EXOC2: variants seen among roughly 807,000 people sequenced by gnomAD.
The protein encoded by EXOC2 is SEC5-like 1.
In EXOC2, 70 loss-of-function variants were observed where a neutral mutation model predicts 131.8. The observed-to-expected ratio is 0.53, with a 90% confidence interval of 0.44 to 0.65. EXOC2 has a LOEUF of 0.65. EXOC2 is among the 30% of genes least tolerant of loss of function. The pLI, the probability that EXOC2 is intolerant of heterozygous loss-of-function variation, is 0.00. For synonymous variants in EXOC2, 411 were observed against 398.4 expected (o/e 1.03, Z -0.38); for missense variants, 923 against 1,108.6 (o/e 0.83, Z 2.38).
intron 1 of EXOC2, among the ~76,000 whole-genome samples, chr6:649,452 T>C (rs1202534054): frequency 6.6e-6 from 1 of 152,200 alleles, no homozygotes; most frequent in Non-Finnish European, 1.5e-5. Flanking sequence ...TACTGGCTCC[T>C]AGCCTAAGAA....
At chr6:510,605 G>C (rs182536620) in intron 23 of EXOC2, among the ~76,000 whole-genome samples, 1 of 151,960 alleles carries the variant, frequency 6.6e-6, no homozygotes, top group Non-Finnish European at 1.5e-5. Context: ...TCAAATATAC[G>C]CAAGTGGAAA....
intron 1 of EXOC2, among the ~76,000 whole-genome samples, chr6:691,463 A>G: frequency 6.6e-6 from 1 of 152,174 alleles, no homozygotes; most frequent in Non-Finnish European, 1.5e-5. Context: ...GACTATGGGG[A>G]TAATAACCTT....
intron 22 of EXOC2, among the ~76,000 whole-genome samples, chr6:534,425 G>T (rs558028158): frequency 7.0e-6 from 1 of 142,020 alleles, no homozygotes; most frequent in African/African-American, 2.9e-5. Flanking sequence ...CTCTAAATGA[G>T]AGAGAGACAG....
rs144582919 is a variant in EXOC2, at chr6:599,781, T to A, written c.743-556A>T. On this transcript the variant is annotated intron_variant, in intron 7 of 27. Coordinates refer to ENST00000230449, the MANE Select transcript of EXOC2 (RefSeq NM_018303.6). ...ATAAGTAATTTACAAATGACAAATG[T>A]GAAGGCAGCATCATGAATATTTCTT... Among the ~76,000 whole-genome samples, 239 of 152,164 alleles carry A rather than the reference T, an allele frequency of 1.6e-3. 2 individuals carry two copies. Among genetic ancestry groups the A allele is most frequent in the African/African-American group, 5.5e-3 (230 of 41,522 alleles).
chr6:568,437 A>G (rs1167272586), intron 13 of EXOC2, among the ~76,000 whole-genome samples: 1 of 152,224 alleles, frequency 6.6e-6, no homozygotes, highest in Middle Eastern at 3.2e-3. Context: ...AGCTTACAGC[A>G]TCGGCCATCC....
At chr6:587,679 C>T (rs774944838) in intron 11 of EXOC2, among the ~76,000 whole-genome samples, 19 of 152,210 alleles carry the variant, frequency 1.2e-4, no homozygotes, top group East Asian at 9.6e-4. Flanking sequence ...TCCTTCCATC[C>T]GAGGAAACGT....
chr6:658,642 A>ATATTTT, intron 1 of EXOC2, among the ~76,000 whole-genome samples: 1 of 112,246 alleles, frequency 8.9e-6, no homozygotes, highest in South Asian at 3.3e-4. Flanking sequence ...ATATATATAT[A>ATATTTT]TTTTATATAT....
chr6:651,730 GA>G (rs1339303175), intron 1 of EXOC2, among the ~76,000 whole-genome samples: 1 of 151,550 alleles, frequency 6.6e-6, no homozygotes, highest in Non-Finnish European at 1.5e-5. Flanking sequence ...GAGGGCAGAA[GA>G]TTTTTTAAAT....
At position 513,306 on chromosome 6, in the gene EXOC2, G is replaced by A. The variant is rs115951422; in HGVS notation, c.2381-13606C>T. Among the ~76,000 whole-genome samples the A allele has an allele frequency of 7.4e-3, 1,123 of 152,360 alleles. 14 individuals are homozygous for A. Among genetic ancestry groups the A allele is most frequent in the African/African-American group, 0.024 (1,018 of 41,590 alleles). On this transcript the variant is annotated intron_variant, in intron 23 of 27. Transcript: ENST00000230449. Reference sequence around the variant, plus strand: ...GGCTGCACACGGCCCACGTGTCCACGAGCAGCACAGCCCCAGTGAGGCTAA... The same window carrying A: ...GGCTGCACACGGCCCACGTGTCCACAAGCAGCACAGCCCCAGTGAGGCTAA...
At chr6:615,404 C>A (rs902496558) in intron 6 of EXOC2, among the ~76,000 whole-genome samples, 7 of 151,978 alleles carry the variant, frequency 4.6e-5, no homozygotes, top group Non-Finnish European at 1.0e-4. Context: ...TATCTAATAT[C>A]CAATTAGATG....
intron 23 of EXOC2, among the ~76,000 whole-genome samples, chr6:512,568 T>C (rs1417120900): frequency 1.3e-5 from 2 of 152,286 alleles, no homozygotes; most frequent in East Asian, 3.8e-4. Context: ...ATTCTGGGGG[T>C]AAACAAAGAT....
chr6:496,643 G>A (rs115920899), intron 25 of EXOC2, among the ~76,000 whole-genome samples: 1,779 of 152,236 alleles, frequency 0.012, 35 homozygotes, highest in African/African-American at 0.041. Context: ...AAATTCATGC[G>A]GGTGCCATTT....
Position 562,852 on chromosome 6 carries a change from GA to G in EXOC2, c.1790-8del. The G allele has an allele frequency of 6.4e-7, 1 of 1,574,646 alleles. No individual in the cohort carries two copies. The highest frequency in any genetic ancestry group is 8.6e-7 in the Non-Finnish European group (1 of 1,161,160). ...TCAGCTAATCTCTTTATTTCTATATGAGAAGAAGCACACAAATACTTTATTA... is the reference window on the plus strand; with the variant it reads ...TCAGCTAATCTCTTTATTTCTATATGGAAGAAGCACACAAATACTTTATTA... On this transcript the variant is annotated splice_polypyrimidine_tract_variant and splice_region_variant and intron_variant, in intron 16 of 27. Transcript: ENST00000230449.
intron 22 of EXOC2, among the ~76,000 whole-genome samples, chr6:544,624 C>A (rs560246128): frequency 6.6e-6 from 1 of 152,156 alleles, no homozygotes; most frequent in East Asian, 1.9e-4. Flanking sequence ...AGACACAAAA[C>A]TGTACTCACT....
At chr6:533,136 G>GGT (rs901738713) in intron 22 of EXOC2, among the ~76,000 whole-genome samples, 2 of 152,100 alleles carry the variant, frequency 1.3e-5, no homozygotes, top group African/African-American at 4.8e-5. Context: ...ACCTCCACCT[G>GGT]GTCTCTCCCT....
At chr6:534,064 A>C (rs1766278494) in intron 22 of EXOC2, among the ~76,000 whole-genome samples, 1 of 152,216 alleles carries the variant, frequency 6.6e-6, no homozygotes, top group African/African-American at 2.4e-5. Flanking sequence ...AAAGCTAACA[A>C]ATGAGTAGAT....
intron 13 of EXOC2, among the ~76,000 whole-genome samples, chr6:571,643 T>C (rs1053956286): frequency 3.3e-5 from 5 of 152,090 alleles, no homozygotes; most frequent in African/African-American, 1.2e-4. Context: ...CCAAAAATGG[T>C]TTTAGCCTTT....
In EXOC2 at chr6:564,126, C is replaced by T; in HGVS notation, c.1696G>A (p.Glu566Lys). Residue 566 changes from glutamate (E) to lysine (K), a missense_variant, in exon 16 of 28, where the codon GAA becomes AAA. By Grantham distance (56) the Glu-to-Lys change is moderately conservative. Transcript: ENST00000230449. ...RLTHESLTALEIPNDLLQTIQ... is the reference protein window; with the variant it reads ...RLTHESLTALKIPNDLLQTIQ... ...GTCTGTAACAGGTCATTAGGAATTTCAAGGGCAGTCAACGATTCATGAGTA... is the reference window on the plus strand; with the variant it reads ...GTCTGTAACAGGTCATTAGGAATTTTAAGGGCAGTCAACGATTCATGAGTA... 3 of 1,614,090 alleles carry T rather than the reference C, an allele frequency of 1.9e-6. No homozygotes were observed. Among genetic ancestry groups the T allele is most frequent in the Non-Finnish European group, 2.5e-6 (3 of 1,180,000 alleles).
Position 629,876 on chromosome 6 carries a change from C to A in EXOC2, c.381G>T (p.Leu127Phe), listed in dbSNP as rs1761757280. The change falls in exon 4 of 28, where the codon TTG becomes TTT. Residue 127 changes from leucine to phenylalanine, a missense_variant. Coordinates refer to ENST00000230449, the MANE Select transcript of EXOC2 (RefSeq NM_018303.6). Reference protein sequence around the residue: ...RTDRNKGIPPLSLRPANPLGI... With the variant: ...RTDRNKGIPPFSLRPANPLGI... ...CAAGCGGGTTAGCAGGACGTAAGGA[C>A]AAGGGCGGAATTCCTTTGTTCCTGT... 6.2e-7 allele frequency: 1 copy of A among 1,613,958 alleles called. No individual in the cohort carries two copies. The highest frequency in any genetic ancestry group is 1.1e-5 in the South Asian group (1 of 91,082).
Sources: gnomAD v4.1 joint callset for allele counts (sites outside exome capture counted in the v4.1 genomes callset) on GRCh38, gnomAD v4.1.1 for gene constraint, MANE v1.5 for transcripts, NCBI Gene and HGNC (gene_info 2026-07-23, HGNC 2026-07-21) for gene names.